LINC00632: variants seen among roughly 807,000 people sequenced by gnomAD.
The protein encoded by LINC00632 is long independently transcribed non-coding RNA 632.
chrX:140,742,308 T>A (rs776195580), intron 3 of LINC00632, among the ~76,000 whole-genome samples: 4 of 111,834 alleles, frequency 3.6e-5, no homozygotes, highest in African/African-American at 9.7e-5. Flanking sequence ...ATATATTTTT[T>A]AATATGTAGG....
chrX:140,756,768 C>G (rs1477030920), intron 3 of LINC00632, among the ~76,000 whole-genome samples: 1 of 111,667 alleles, frequency 9.0e-6, no homozygotes, highest in African/African-American at 3.3e-5. Context: ...ATTACAAATC[C>G]AAGAAACATT....
At chrX:140,751,082 T>C (rs1298213215) in intron 3 of LINC00632, among the ~76,000 whole-genome samples, 1 of 111,867 alleles carries the variant, frequency 8.9e-6, no homozygotes, top group African/African-American at 3.2e-5. Context: ...GCTATTAATA[T>C]AAATGTCTGT....
At chrX:140,772,634 G>A in exon 4 of LINC00632, 1 of 218,887 alleles carries the variant, frequency 4.6e-6, no homozygotes, top group Non-Finnish European at 8.2e-6. Context: ...CATATTTTTG[G>A]TGTTAATGAA....
At chrX:140,766,681 C>A (rs1358939481) in intron 3 of LINC00632, among the ~76,000 whole-genome samples, 3 of 111,616 alleles carry the variant, frequency 2.7e-5, no homozygotes, top group Non-Finnish European at 5.7e-5. Context: ...TATGCTTCTA[C>A]GTGCAGTGGG....
rs188196081 is a variant in LINC00632, at chrX:140,760,028, A to G, written n.192-12050A>G. On this transcript the variant is annotated intron_variant and non_coding_transcript_variant, in intron 3 of 4. Coordinates refer to ENST00000648200, the Ensembl canonical transcript of LINC00632. ...ACTATACTAGGCTGGTAATACAAAG[A>G]CAAAACACTATTTGATCTCAAGGAG... is the stretch of plus-strand genomic sequence containing the variant. 2.7e-5 allele frequency among the ~76,000 whole-genome samples: 3 copies of G among 112,172 alleles called. No individual in the cohort carries two copies. The East Asian group carries it at 8.5e-4, about 32-fold the overall frequency.
At chrX:140,733,248 G>A (rs1931088654) in intron 2 of LINC00632, among the ~76,000 whole-genome samples, 1 of 112,584 alleles carries the variant, frequency 8.9e-6, no homozygotes, top group African/African-American at 3.2e-5. Flanking sequence ...GCGCTTTCGC[G>A]TGCACAGAAT....
At chrX:140,727,182 G>T (rs1930977592) in intron 2 of LINC00632, among the ~76,000 whole-genome samples, 1 of 111,210 alleles carries the variant, frequency 9.0e-6, no homozygotes, top group South Asian at 3.9e-4. Flanking sequence ...CCACATTGGT[G>T]TCTCCATAAC....
chrX:140,784,175 C>T, exon 5 of LINC00632: 3 of 1,211,732 alleles, frequency 2.5e-6, no homozygotes, highest in Non-Finnish European at 3.4e-6. Context: ...CCAGGTCTTC[C>T]AGGAAATCCG....
chrX:140,721,113 A>G (rs1006379063), intron 2 of LINC00632, among the ~76,000 whole-genome samples: 8 of 111,820 alleles, frequency 7.2e-5, no homozygotes, highest in African/African-American at 2.6e-4. Flanking sequence ...CACACAATAC[A>G]TACAAAGACC....
intron 2 of LINC00632, among the ~76,000 whole-genome samples, chrX:140,723,919 T>TACACACACATTCCATACACAC (rs1930830696): frequency 3.6e-5 from 1 of 28,130 alleles, no homozygotes; most frequent in African/African-American, 1.1e-4. Context: ...TGCATACACA[T>TACACACACATTCCATACACAC]ACACACACAT....
chrX:140,745,712 C>CTGGTTATATTTTTTAGA (rs1569352264), intron 3 of LINC00632, among the ~76,000 whole-genome samples: 1 of 110,624 alleles, frequency 9.0e-6, no homozygotes, highest in Non-Finnish European at 1.9e-5. Flanking sequence ...GGTGACACAG[C>CTGGTTATATTTTTTAGA]AAGTAATAAA....
chrX:140,786,386 G>A (rs1277735101), exon 5 of LINC00632, among the ~76,000 whole-genome samples: 4 of 111,515 alleles, frequency 3.6e-5, no homozygotes, highest in African/African-American at 1.3e-4. Flanking sequence ...AAGTAACTGA[G>A]AGTCTGGAAA....
chrX:140,787,782 G>A (rs1932038584), exon 5 of LINC00632, among the ~76,000 whole-genome samples: 1 of 110,899 alleles, frequency 9.0e-6, no homozygotes, highest in South Asian at 3.7e-4. Context: ...TATCATCAGT[G>A]AGAGAAATAG....
chrX:140,743,787 T>G (rs972507288), intron 3 of LINC00632, among the ~76,000 whole-genome samples: 2 of 110,640 alleles, frequency 1.8e-5, no homozygotes, highest in Non-Finnish European at 1.9e-5. Flanking sequence ...AGGGAAGCCT[T>G]CCCCAAAAGA....
At chrX:140,773,897 T>C (rs1334239995) in exon 4 of LINC00632, among the ~76,000 whole-genome samples, 2 of 112,214 alleles carry the variant, frequency 1.8e-5, no homozygotes, top group African/African-American at 6.5e-5. Context: ...CTTGGCAACA[T>C]TTCTCCGTTT....
At position 140,765,802 on chromosome X, in the gene LINC00632, C is replaced by T. The variant is rs528616326; in HGVS notation, n.192-6276C>T. ...TTGCTGCTATTACCGTTAAGGGAGG[C>T]GACAAGGGGGGCAAGTAGCTCCGGA... On this transcript the variant is annotated intron_variant and non_coding_transcript_variant, in intron 3 of 4. Transcript: ENST00000648200. Among the ~76,000 whole-genome samples the T allele has an allele frequency of 3.6e-5, 4 of 111,529 alleles. No homozygotes were observed. In the Admixed American group the frequency reaches 3.8e-4, roughly 11 times the overall value.
In LINC00632 at chrX:140,759,276, T is replaced by TTTTC. The variant is rs201367351; in HGVS notation, n.192-12789_192-12786dup. On this transcript the variant is annotated intron_variant and non_coding_transcript_variant, in intron 3 of 4. Transcript: ENST00000648200. ...GGCATGAGCCATCACCCCAGGCCTCTTTTCTTTCTTTCTTTCCTTCCTTCC... is the reference window on the plus strand; with the variant it reads ...GGCATGAGCCATCACCCCAGGCCTCTTTTCTTTCTTTCTTTCTTTCCTTCCTTCC... 3.7e-3 allele frequency among the ~76,000 whole-genome samples: 374 copies of TTTTC among 102,217 alleles called. 1 individual carries two copies. The highest frequency in any genetic ancestry group is 0.013 in the African/African-American group (348 of 26,519). The allele number at this position is 102,217 out of a possible 115,157, so 88.8% of individuals were successfully genotyped here.
exon 5 of LINC00632, chrX:140,784,362 G>A: frequency 2.5e-6 from 3 of 1,205,409 alleles, no homozygotes; most frequent in Non-Finnish European, 3.4e-6. Context: ...TTCCAACCAA[G>A]CCATGTCTTC....
At chrX:140,767,217 G>T (rs1431678965) in intron 3 of LINC00632, among the ~76,000 whole-genome samples, 1 of 111,247 alleles carries the variant, frequency 9.0e-6, no homozygotes, top group Non-Finnish European at 1.9e-5. Context: ...ACCTCAGACA[G>T]ATTATGTAAC....
Sources: gnomAD v4.1 joint callset for allele counts (sites outside exome capture counted in the v4.1 genomes callset) on GRCh38, gnomAD v4.1.1 for gene constraint, MANE v1.5 for transcripts, NCBI Gene and HGNC (gene_info 2026-07-23, HGNC 2026-07-21) for gene names.